Variants in STAG3 observed in about 807,000 individuals in gnomAD.
STAG3 encodes STAG3 cohesin complex component, also known as cohesin subunit SA-3.
A neutral mutation model predicts 160.7 loss-of-function variants in STAG3; 101 were observed. The ratio of observed to expected loss-of-function variants is 0.63; its 90% confidence interval spans 0.54 to 0.74. The LOEUF is 0.74. STAG3 is among the 30% of genes least tolerant of loss of function. The pLI, the probability that STAG3 is intolerant of heterozygous loss-of-function variation, is 0.00. For synonymous variants in STAG3, 519 were observed against 585.0 expected (o/e 0.89, Z 1.63); for missense variants, 1,188 against 1,517.4 (o/e 0.78, Z 3.61).
chr7:100,179,821 C>T (rs1426604810), intron 1 of STAG3, among the ~76,000 whole-genome samples: 2 of 152,120 alleles, frequency 1.3e-5, no homozygotes, highest in East Asian at 1.9e-4. Context: ...CCACAACCTC[C>T]GCCTTCTAGG....
intron 16 of STAG3, among the ~76,000 whole-genome samples, chr7:100,199,899 CAAA>C (rs11383220): frequency 8.2e-6 from 1 of 122,282 alleles, no homozygotes; most frequent in Non-Finnish European, 1.7e-5. Flanking sequence ...ACTAAAAATA[CAAA>C]AAAAAAAAAA....
At chr7:100,178,248 C>T (rs1443418687) in intron 1 of STAG3, among the ~76,000 whole-genome samples, 7 of 152,198 alleles carry the variant, frequency 4.6e-5, no homozygotes, top group African/African-American at 1.4e-4. Context: ...CCGCTTACCC[C>T]AGGGGCAGTC....
downstream of STAG3, chr7:100,218,322 G>C (rs1802946665): frequency 5.7e-6 from 1 of 174,798 alleles, no homozygotes; most frequent in Non-Finnish European, 1.2e-5. Context: ...CTAATGATTA[G>C]TAATATATAT....
At position 100,214,080 on chromosome 7, in the gene STAG3, A is replaced by G. The variant is rs1208074147; in HGVS notation, c.*65A>G. 9 of 1,593,760 alleles carry G rather than the reference A, an allele frequency of 5.6e-6. No individual in the cohort carries two copies. The highest frequency in any genetic ancestry group is 2.2e-5 in the East Asian group (1 of 44,804). On this transcript the variant is annotated 3_prime_UTR_variant, in exon 34 of 34. Transcript: ENST00000615138. ...AAGAATGTGACCATTTGGAAAAGGCAAAGAGAAAAGGAGCAAAATGAAGCA... is the reference window on the plus strand; with the variant it reads ...AAGAATGTGACCATTTGGAAAAGGCGAAGAGAAAAGGAGCAAAATGAAGCA...
chr7:100,202,060 G>C lies in STAG3; in HGVS notation c.2394+19G>C. 1 of 1,613,876 alleles carries C rather than the reference G, an allele frequency of 6.2e-7. No individual in the cohort carries two copies. Among genetic ancestry groups the C allele is most frequent in the South Asian group, 1.1e-5 (1 of 91,052 alleles). ...GGAGCAGGTGAGTACTGACTCAAGTGGGAGCAACAAGGCGAGTATCCCTGC... is the reference window on the plus strand; with the variant it reads ...GGAGCAGGTGAGTACTGACTCAAGTCGGAGCAACAAGGCGAGTATCCCTGC... On this transcript the variant is annotated intron_variant, in intron 23 of 33. Transcript: ENST00000615138.
intron 4 of STAG3, among the ~76,000 whole-genome samples, chr7:100,184,834 A>G (rs1336899449): frequency 6.6e-6 from 1 of 151,968 alleles, no homozygotes; most frequent in Non-Finnish European, 1.5e-5. Flanking sequence ...TAGTCATTTT[A>G]TAATCTATGA....
chr7:100,204,875 C>T lies in STAG3; in HGVS notation c.2951+100C>T, dbSNP rs941809003. On this transcript the variant is annotated intron_variant, in intron 27 of 33. Coordinates refer to ENST00000615138, the MANE Select transcript of STAG3 (RefSeq NM_001282717.2). ...GGTATGTGTGTCAAGGCATAGCAGT[C>T]AGGTTAGGGGTGGGTATGCCTTTGG... The T allele has an allele frequency of 8.9e-6, 14 of 1,578,804 alleles. No homozygotes were observed. The African/African-American group carries it at 1.8e-4, about 20-fold the overall frequency.
intron 21 of STAG3, 59 bp from the exon 22 acceptor site, chr7:100,201,727 C>T: frequency 7.0e-7 from 1 of 1,437,672 alleles, no homozygotes; most frequent in Non-Finnish European, 9.8e-7. Context: ...GTGTTTCTGG[C>T]TATCTGTCTC....
chr7:100,204,698 G>T lies in STAG3; in HGVS notation c.2874G>T (p.Arg958Ser). Reference protein sequence around the residue: ...LNELPAFIEMRDLARRFALSF... With the variant: ...LNELPAFIEMSDLARRFALSF... ...AGCTTCCTGCCTTCATCGAGATGAG[G>T]GACCTGGCCCGGAGGTTTGCCTTGA... The change falls in exon 27 of 34, where the codon AGG (arginine) becomes AGT (serine). Residue 958 changes from arginine to serine, a missense_variant. Physicochemically the swap from Arg to Ser is moderately radical, Grantham distance 110 (BLOSUM62 -1). Transcript: ENST00000615138. 2 of 1,614,158 alleles carry T rather than the reference G, an allele frequency of 1.2e-6. No homozygotes were observed. Among genetic ancestry groups the T allele is most frequent in the Non-Finnish European group, 1.7e-6 (2 of 1,180,022 alleles).
Position 100,180,658 on chromosome 7 carries a change from C to G in STAG3, c.102C>G (p.Asn34Lys), listed in dbSNP as rs1197499971. 6.2e-7 allele frequency: 1 copy of G among 1,605,062 alleles called. No homozygotes were observed. The change falls in exon 2 of 34, where the codon AAC becomes AAG. Residue 34 changes from asparagine (N) to lysine (K), a missense_variant. Physicochemically the swap from Asn to Lys is moderately conservative, Grantham distance 94. Around this residue, in one of 4 missense-constraint regions of STAG3, gnomAD observed 296 missense variants for 404.0 expected, o/e 0.73. Coordinates refer to ENST00000615138, the MANE Select transcript of STAG3 (RefSeq NM_001282717.2). ...TACCCTTTGATGACAGGGACTCAAACCATACCTCAGAGGGGTAAGTAGATG... is the reference window on the plus strand; with the variant it reads ...TACCCTTTGATGACAGGGACTCAAAGCATACCTCAGAGGGGTAAGTAGATG... ...ASLPFDDRDS[N>K]HTSEGNGDSL...
chr7:100,179,113 T>C (rs1390619696), intron 1 of STAG3, among the ~76,000 whole-genome samples: 2 of 151,704 alleles, frequency 1.3e-5, no homozygotes, highest in African/African-American at 4.8e-5. Context: ...GTGCTGGGAT[T>C]CCAGGTTTGA....
intron 29 of STAG3, among the ~76,000 whole-genome samples, chr7:100,209,991 G>T (rs1802029205): frequency 6.6e-6 from 1 of 152,222 alleles, no homozygotes; most frequent in African/African-American, 2.4e-5. Flanking sequence ...GTTCAGGGGA[G>T]AGCTGAAGGC....
At position 100,180,520 on chromosome 7, in the gene STAG3, C is replaced by G; in HGVS notation, c.-37C>G. The G allele has an allele frequency of 7.8e-7, 1 of 1,286,060 alleles. No individual in the cohort carries two copies. Among genetic ancestry groups the G allele is most frequent in the East Asian group, 2.3e-5 (1 of 43,468 alleles). 79.7% of individuals were successfully genotyped at this position (1,286,060 alleles called of 1,614,324 possible). A position where few individuals can be genotyped will look rare whatever the true frequency, so the allele number is the denominator to read the frequency against. On this transcript the variant is annotated 5_prime_UTR_variant, in exon 2 of 34. Transcript: ENST00000615138. ...GGATCGCCATACCTACCCTGTGGTC[C>G]TCATCTTCCTGGCCTCATAGCTCCT...
chr7:100,202,938 GC>G (rs1049136815), intron 25 of STAG3, among the ~76,000 whole-genome samples: 1 of 152,210 alleles, frequency 6.6e-6, no homozygotes, highest in Non-Finnish European at 1.5e-5. Flanking sequence ...CTAGATAGGT[GC>G]CCCAGTTTCC....
intron 1 of STAG3, among the ~76,000 whole-genome samples, chr7:100,178,807 G>A (rs530095645): frequency 6.6e-6 from 1 of 150,776 alleles, no homozygotes; most frequent in East Asian, 2.0e-4. Flanking sequence ...TCCACTCTTT[G>A]CCTTATTTTA....
rs1801396268 is a variant in STAG3, at chr7:100,204,015, C to T, written c.2701-6C>T. Reference sequence around the variant, plus strand: ...AGACATTACCTTCCCCACTCTTTCCCCTCAGTTCTACAATGACTATGGTGA... The same window carrying T: ...AGACATTACCTTCCCCACTCTTTCCTCTCAGTTCTACAATGACTATGGTGA... On this transcript the variant is annotated splice_region_variant and splice_polypyrimidine_tract_variant and intron_variant, in intron 25 of 33. Transcript: ENST00000615138. The T allele has an allele frequency of 1.2e-6, 2 of 1,601,772 alleles. No individual in the cohort carries two copies. Among genetic ancestry groups the T allele is most frequent in the African/African-American group, 2.7e-5 (2 of 74,804 alleles).
chr7:100,209,198 ACAACAC>A (rs1281874598), intron 29 of STAG3, among the ~76,000 whole-genome samples: 1 of 152,252 alleles, frequency 6.6e-6, no homozygotes, highest in Non-Finnish European at 1.5e-5. Context: ...TAGGTTACAC[ACAACAC>A]TTTCACTCTG....
At chr7:100,217,099 A>G (rs1165237878), downstream of STAG3, among the ~76,000 whole-genome samples, 3 of 152,232 alleles carry the variant, frequency 2.0e-5, no homozygotes, top group African/African-American at 7.2e-5. Flanking sequence ...CAAGGGAATC[A>G]TGACTTACAA....
intron 29 of STAG3, among the ~76,000 whole-genome samples, chr7:100,210,054 C>G (rs999941977): frequency 2.6e-5 from 4 of 152,120 alleles, no homozygotes; most frequent in Admixed American, 1.3e-4. Context: ...AGGACATGAA[C>G]GTGAGTGGCT....
Sources: gnomAD v4.1 joint callset for allele counts (sites outside exome capture counted in the v4.1 genomes callset) on GRCh38, gnomAD v4.1.1 for gene constraint, gnomAD v4.1.1 regional missense constraint, MANE v1.5 for transcripts, NCBI Gene and HGNC (gene_info 2026-07-23, HGNC 2026-07-21) for gene names.